WDR27: variants seen among roughly 807,000 people sequenced by gnomAD.
The protein encoded by WDR27 is WD repeat-containing protein 27.
Under a neutral mutation model 114.4 loss-of-function variants are expected in WDR27, and 100 were observed. The ratio of observed to expected loss-of-function variants is 0.87; its 90% confidence interval spans 0.74 to 1.03. The LOEUF (loss-of-function observed/expected upper bound fraction) is 1.03, where lower values mean the gene tolerates loss of function less well. WDR27 is among the 50% of genes least tolerant of loss of function. WDR27 has a pLI of 0.00. For missense variants in WDR27, 1,129 were observed against 1,092.9 expected (o/e 1.03, Z -0.47); for synonymous variants, 449 against 423.1 (o/e 1.06, Z -0.75).
chr6:169,587,214 CTTTTTTT>C (rs770797963), intron 23 of WDR27, among the ~76,000 whole-genome samples: 2 of 115,702 alleles, frequency 1.7e-5, no homozygotes, highest in African/African-American at 3.2e-5. Context: ...CAAGGATTTT[CTTTTTTT>C]TTTTTTTTTT....
Position 169,665,567 on chromosome 6 carries a change from GAACATCGGA to G in WDR27, c.713-20_713-12del. On this transcript the variant is annotated splice_polypyrimidine_tract_variant and intron_variant, in intron 6 of 25. Transcript: ENST00000448612. The stretch of plus-strand genomic sequence containing the variant: ...TGAGAAGAGGATATGCTGGTGAAAG[GAACATCGGA>G]AAATTTAGCTTTGTAAGTGCCTGGT... The G allele has an allele frequency of 1.9e-6, 3 of 1,609,922 alleles. No individual in the cohort carries two copies. The highest frequency in any genetic ancestry group is 2.5e-6 in the Non-Finnish European group (3 of 1,177,940).
At chr6:169,528,483 G>T (rs79367105) in intron 25 of WDR27, among the ~76,000 whole-genome samples, 1,556 of 152,304 alleles carry the variant, frequency 0.01, 22 homozygotes, top group African/African-American at 0.035. Context: ...GGCCCATCCA[G>T]CCTGGGCAAA....
At chr6:169,608,806 A>C (rs1584546025) in intron 22 of WDR27, among the ~76,000 whole-genome samples, 1 of 152,170 alleles carries the variant, frequency 6.6e-6, no homozygotes, top group African/African-American at 2.4e-5. Context: ...GCATTAACCC[A>C]AAAGTCCACA....
intron 25 of WDR27, among the ~76,000 whole-genome samples, chr6:169,463,061 A>T (rs547088125): frequency 6.6e-6 from 1 of 152,308 alleles, no homozygotes; most frequent in South Asian, 2.1e-4. Context: ...CCAACAACAA[A>T]AAAAGTATGT....
intron 25 of WDR27, among the ~76,000 whole-genome samples, chr6:169,508,522 TGTTTAAGAGTGAATAGTCTA>T (rs1792315700): frequency 1.3e-5 from 2 of 152,214 alleles, no homozygotes; most frequent in Non-Finnish European, 2.9e-5. Context: ...ACTTAGTTGT[TGTTTAAGAGTGAATAGTCTA>T]AAGTGACTGA....
the WDR27 span, among the ~76,000 whole-genome samples, chr6:169,427,414 TTC>T: frequency 6.7e-6 from 1 of 150,208 alleles, no homozygotes; most frequent in Non-Finnish European, 1.5e-5. Flanking sequence ...TCTAAAAAGT[TTC>T]TGACTCAGCG....
At chr6:169,569,319 TA>T (rs1279618329) in intron 25 of WDR27, among the ~76,000 whole-genome samples, 1 of 152,250 alleles carries the variant, frequency 6.6e-6, no homozygotes, top group African/African-American at 2.4e-5. Context: ...TTTAGAAATC[TA>T]GTATATTTTA....
intron 23 of WDR27, among the ~76,000 whole-genome samples, chr6:169,597,981 T>C (rs1327489710): frequency 1.3e-5 from 2 of 149,538 alleles, no homozygotes; most frequent in Non-Finnish European, 3.0e-5. Flanking sequence ...TGTTTAGAAA[T>C]GGCAAACTCC....
At chr6:169,426,983 G>T in the WDR27 span, 1 of 151,324 alleles carries the variant, frequency 6.6e-6, no homozygotes, top group African/African-American at 2.4e-5. Flanking sequence ...TGGGGGGGGG[G>T]TGGCGGTTGC....
intron 25 of WDR27, among the ~76,000 whole-genome samples, chr6:169,504,170 T>C (rs1024966855): frequency 6.6e-6 from 1 of 152,240 alleles, no homozygotes; most frequent in Admixed American, 6.5e-5. Context: ...AACTGTTCAC[T>C]ACAAACTGTT....
chr6:169,513,513 T>C (rs1793183049), intron 25 of WDR27, among the ~76,000 whole-genome samples: 1 of 152,094 alleles, frequency 6.6e-6, no homozygotes, highest in African/African-American at 2.4e-5. Flanking sequence ...GGGAGTTGTA[T>C]AAACTGAAGT....
chr6:169,598,848 C>A (rs921064738), intron 23 of WDR27, among the ~76,000 whole-genome samples: 10 of 152,124 alleles, frequency 6.6e-5, no homozygotes, highest in African/African-American at 2.2e-4. Flanking sequence ...ATTTTTTTAA[C>A]CCTTTTCCTG....
intron 25 of WDR27, among the ~76,000 whole-genome samples, chr6:169,544,332 A>G (rs1210013181): frequency 6.6e-6 from 1 of 151,532 alleles, no homozygotes; most frequent in African/African-American, 2.5e-5. Context: ...AATCCCAAGA[A>G]ATTTATTAAA....
At chr6:169,501,067 T>C (rs1791147723) in intron 25 of WDR27, among the ~76,000 whole-genome samples, 1 of 152,192 alleles carries the variant, frequency 6.6e-6, no homozygotes, top group African/African-American at 2.4e-5. Context: ...GTGTGAGATC[T>C]GAAGGCAGTA....
At chr6:169,580,222 C>T (rs1318459283) in intron 24 of WDR27, among the ~76,000 whole-genome samples, 1 of 152,238 alleles carries the variant, frequency 6.6e-6, no homozygotes, top group African/African-American at 2.4e-5. Context: ...AACAGCAGCA[C>T]CCTCATATAC....
chr6:169,611,118 G>A (rs960705556), intron 22 of WDR27, among the ~76,000 whole-genome samples: 1 of 152,158 alleles, frequency 6.6e-6, no homozygotes, highest in Non-Finnish European at 1.5e-5. Flanking sequence ...AATGGAGCTT[G>A]CAGGACTGGC....
At chr6:169,618,627 CAA>C (rs560399990) in intron 21 of WDR27, among the ~76,000 whole-genome samples, 1,047 of 92,042 alleles carry the variant, frequency 0.011, 8 homozygotes, top group African/African-American at 0.038. Context: ...TGGATGACTG[CAA>C]AAAAAAAAAA....
chr6:169,470,437 A>C (rs1416538461), intron 25 of WDR27, among the ~76,000 whole-genome samples: 2 of 152,242 alleles, frequency 1.3e-5, no homozygotes, highest in Non-Finnish European at 2.9e-5. Context: ...TCCTGCTACT[A>C]AAATCTGTCT....
chr6:169,620,104 C>G (rs1422259761), intron 21 of WDR27, among the ~76,000 whole-genome samples: 1 of 152,192 alleles, frequency 6.6e-6, no homozygotes, highest in Admixed American at 6.5e-5. Flanking sequence ...CATGACTCCT[C>G]AGACCCCTTA....
Sources: gnomAD v4.1 joint callset for allele counts (sites outside exome capture counted in the v4.1 genomes callset) on GRCh38, gnomAD v4.1.1 for gene constraint, MANE v1.5 for transcripts, NCBI Gene and HGNC (gene_info 2026-07-23, HGNC 2026-07-21) for gene names.